NELL1: variants seen among roughly 807,000 people sequenced by gnomAD.
The protein encoded by NELL1 is protein kinase C-binding protein NELL1.
Under a neutral mutation model 107.4 loss-of-function variants are expected in NELL1, and 76 were observed. That is an observed-to-expected ratio of 0.71 (90% CI 0.59 to 0.86). The LOEUF (loss-of-function observed/expected upper bound fraction) is 0.86. Among genes scored for constraint, NELL1 ranks in the 40% least tolerant of loss-of-function variants. The pLI, the probability that NELL1 is intolerant of heterozygous loss-of-function variation, is 0.00. For synonymous variants in NELL1, 353 were observed against 341.2 expected (o/e 1.03, Z -0.38); for missense variants, 1,024 against 1,005.5 (o/e 1.02, Z -0.25).
At chr11:21,367,298 AC>A (rs1851249526) in intron 14 of NELL1, among the ~76,000 whole-genome samples, 1 of 121,784 alleles carries the variant, frequency 8.2e-6, no homozygotes. Context: ...ACACACACAC[AC>A]ACAATCTATT....
intron 14 of NELL1, among the ~76,000 whole-genome samples, chr11:21,301,079 C>CT: frequency 6.6e-6 from 1 of 152,172 alleles, no homozygotes; most frequent in Non-Finnish European, 1.5e-5. Context: ...ATGAACTCAT[C>CT]TTTTTTATGA....
At chr11:20,794,763 GA>G (rs1447721231) in intron 3 of NELL1, among the ~76,000 whole-genome samples, 4 of 152,148 alleles carry the variant, frequency 2.6e-5, no homozygotes, top group Non-Finnish European at 5.9e-5. Flanking sequence ...GTGGCCAGAT[GA>G]GAAAATAGTC....
intron 3 of NELL1, among the ~76,000 whole-genome samples, chr11:20,784,891 A>C: frequency 6.6e-6 from 1 of 152,340 alleles, no homozygotes; most frequent in Non-Finnish European, 1.5e-5. Flanking sequence ...GCTGAAGAAT[A>C]AAAAAGAGTC....
At chr11:21,557,936 C>A (rs983926135) in intron 16 of NELL1, among the ~76,000 whole-genome samples, 6 of 151,920 alleles carry the variant, frequency 3.9e-5, no homozygotes, top group African/African-American at 1.4e-4. Context: ...TAGTGTCTGC[C>A]CTCAATGAGC....
At chr11:20,809,720 A>T (rs1857459195) in intron 3 of NELL1, among the ~76,000 whole-genome samples, 1 of 152,190 alleles carries the variant, frequency 6.6e-6, no homozygotes, top group Non-Finnish European at 1.5e-5. Flanking sequence ...TTATGGTTGA[A>T]TACTATTCCA....
intron 2 of NELL1, among the ~76,000 whole-genome samples, chr11:20,763,787 G>A (rs74719535): frequency 0.017 from 2,578 of 152,330 alleles, 97 homozygotes; most frequent in South Asian, 0.17. Context: ...TGAGGCTGGC[G>A]AGCCTAGAGG....
intron 2 of NELL1, among the ~76,000 whole-genome samples, chr11:20,758,806 A>G (rs1318790883): frequency 6.6e-6 from 1 of 152,228 alleles, no homozygotes; most frequent in Non-Finnish European, 1.5e-5. Context: ...GTCTCAAGAC[A>G]TTGCCAGATG....
chr11:20,710,518 T>C (rs1046523286), intron 2 of NELL1, among the ~76,000 whole-genome samples: 4 of 152,188 alleles, frequency 2.6e-5, no homozygotes, highest in African/African-American at 9.7e-5. Context: ...TTTTTTGTTA[T>C]GTCCTTTCCT....
intron 12 of NELL1, among the ~76,000 whole-genome samples, chr11:21,108,387 C>T (rs1380654183): frequency 6.6e-6 from 1 of 152,036 alleles, no homozygotes; most frequent in African/African-American, 2.4e-5. Flanking sequence ...ATTTTACAGT[C>T]CATAAGTACA....
At chr11:21,286,507 T>A (rs1377090917) in intron 14 of NELL1, among the ~76,000 whole-genome samples, 1 of 152,226 alleles carries the variant, frequency 6.6e-6, no homozygotes, top group Non-Finnish European at 1.5e-5. Context: ...TAACTGATCT[T>A]ACTTTAACCC....
At chr11:20,726,249 A>G (rs1273648036) in intron 2 of NELL1, among the ~76,000 whole-genome samples, 1 of 152,192 alleles carries the variant, frequency 6.6e-6, no homozygotes, top group Non-Finnish European at 1.5e-5. Flanking sequence ...TTTTTGGGAT[A>G]TATACCCAGC....
chr11:21,030,046 A>G (rs1308792598), intron 12 of NELL1, among the ~76,000 whole-genome samples: 1 of 152,196 alleles, frequency 6.6e-6, no homozygotes, highest in Admixed American at 6.5e-5. Context: ...GCTCATCACG[A>G]TATATTAGAT....
At chr11:20,741,846 C>G (rs1519730) in intron 2 of NELL1, among the ~76,000 whole-genome samples, 5 of 152,044 alleles carry the variant, frequency 3.3e-5, no homozygotes, top group Admixed American at 1.3e-4. Flanking sequence ...GTTAGCCACC[C>G]CTTCCTGCAA....
intron 14 of NELL1, among the ~76,000 whole-genome samples, chr11:21,241,904 ATTTTTTT>A (rs10652603): frequency 3.0e-5 from 4 of 134,158 alleles, no homozygotes; most frequent in East Asian, 4.4e-4. Context: ...GTCTGTTTCT[ATTTTTTT>A]TTTTTTTTTT....
chr11:20,910,886 A>G (rs2134147557), intron 5 of NELL1, among the ~76,000 whole-genome samples: 1 of 152,336 alleles, frequency 6.6e-6, no homozygotes, highest in East Asian at 1.9e-4. Flanking sequence ...TTATATAAGA[A>G]TATGTATTAA....
At chr11:21,108,266 G>A (rs537735355) in intron 12 of NELL1, among the ~76,000 whole-genome samples, 1 of 152,068 alleles carries the variant, frequency 6.6e-6, no homozygotes, top group Non-Finnish European at 1.5e-5. Flanking sequence ...CCCAGGCCCT[G>A]CCTTCTAATT....
intron 13 of NELL1, among the ~76,000 whole-genome samples, chr11:21,158,101 C>T (rs1176478326): frequency 2.0e-5 from 3 of 152,102 alleles, no homozygotes; most frequent in Non-Finnish European, 4.4e-5. Context: ...CTTCTGGCCT[C>T]CAACTTTCTC....
At chr11:21,399,660 C>CAAAG (rs1852055263) in intron 15 of NELL1, among the ~76,000 whole-genome samples, 1 of 151,728 alleles carries the variant, frequency 6.6e-6, no homozygotes, top group African/African-American at 2.4e-5. Flanking sequence ...GGAACTAAAA[C>CAAAG]AAAGAGAGAC....
At chr11:20,996,624 T>C (rs1852096073) in intron 12 of NELL1, among the ~76,000 whole-genome samples, 1 of 152,184 alleles carries the variant, frequency 6.6e-6, no homozygotes, top group Non-Finnish European at 1.5e-5. Flanking sequence ...TCTGGATCCC[T>C]TTCTTCCCAT....
Sources: gnomAD v4.1 joint callset for allele counts (sites outside exome capture counted in the v4.1 genomes callset) on GRCh38, gnomAD v4.1.1 for gene constraint, MANE v1.5 for transcripts, NCBI Gene and HGNC (gene_info 2026-07-23, HGNC 2026-07-21) for gene names.